The following STK3 variants were observed in gnomAD, a reference collection of about 807,000 sequenced individuals.
STK3 encodes the protein serine/threonine-protein kinase 3.
In STK3, 41 loss-of-function variants were observed where a neutral mutation model predicts 58.0. That is an observed-to-expected ratio of 0.71 (90% CI 0.55 to 0.92). The LOEUF (loss-of-function observed/expected upper bound fraction) is 0.92, where lower values mean the gene tolerates loss of function less well. Ranked by LOEUF, STK3 falls within the 40% of genes least tolerant of loss-of-function variation. STK3 has a pLI of 0.00. For synonymous variants in STK3, 170 were observed against 191.0 expected (o/e 0.89, Z 0.91); for missense variants, 479 against 602.7 (o/e 0.79, Z 2.15).
At chr8:98,656,760 T>C (rs1031676370) in intron 6 of STK3, among the ~76,000 whole-genome samples, 1 of 152,046 alleles carries the variant, frequency 6.6e-6, no homozygotes, top group Non-Finnish European at 1.5e-5. Context: ...TAGAAAGATT[T>C]ATTGTTTATA....
At chr8:98,386,072 C>A (rs994148026) in intron 1 of STK3, among the ~76,000 whole-genome samples, 10 of 152,144 alleles carry the variant, frequency 6.6e-5, no homozygotes, top group African/African-American at 2.4e-4. Context: ...ACAATATACT[C>A]TGTTAGGTAG....
intron 8 of STK3, among the ~76,000 whole-genome samples, chr8:98,566,201 T>C (rs977328091): frequency 1.3e-5 from 2 of 152,132 alleles, no homozygotes; most frequent in African/African-American, 4.8e-5. Context: ...ATAAAAAATA[T>C]TTTAAAAGAT....
chr8:98,612,823 T>C (rs887862172), intron 6 of STK3, among the ~76,000 whole-genome samples: 6 of 152,134 alleles, frequency 3.9e-5, no homozygotes, highest in Middle Eastern at 3.2e-3. Flanking sequence ...CATGAGACTA[T>C]AACAAGGTCC....
At chr8:98,560,188 T>C (rs548908002) in intron 8 of STK3, among the ~76,000 whole-genome samples, 10 of 152,178 alleles carry the variant, frequency 6.6e-5, no homozygotes, top group African/African-American at 2.4e-4. Flanking sequence ...ATAGTGAGGA[T>C]ACAGAAACAT....
chr8:98,813,174 G>C (rs1375438746), intron 1 of STK3, among the ~76,000 whole-genome samples: 2 of 152,114 alleles, frequency 1.3e-5, no homozygotes, highest in Non-Finnish European at 2.9e-5. Context: ...CAAAACTCAA[G>C]GAGAAGGTAG....
chr8:98,511,713 A>T (rs1014769772), intron 10 of STK3, among the ~76,000 whole-genome samples: 4 of 152,142 alleles, frequency 2.6e-5, no homozygotes, highest in African/African-American at 9.7e-5. Flanking sequence ...AACACAGAAC[A>T]CAGAACCTGA....
chr8:98,429,414 C>T, intron 3 of STK3: 1 of 1,594,778 alleles, frequency 6.3e-7, no homozygotes, highest in Non-Finnish European at 8.6e-7. Flanking sequence ...CCTACGTTAG[C>T]CGGGAGGACT....
chr8:98,404,009 C>T (rs1280970132), intron 3 of STK3, among the ~76,000 whole-genome samples: 1 of 152,228 alleles, frequency 6.6e-6, no homozygotes, highest in Non-Finnish European at 1.5e-5. Flanking sequence ...TCCTGGGTGG[C>T]AGGTCAAACC....
intron 4 of STK3, among the ~76,000 whole-genome samples, chr8:98,712,940 G>A (rs1314787353): frequency 4.6e-5 from 7 of 152,154 alleles, no homozygotes; most frequent in South Asian, 2.1e-4. Context: ...CTGTCTCTCA[G>A]ACTACAGTGC....
At chr8:98,597,602 C>T (rs1815939705) in intron 6 of STK3, 2 of 985,368 alleles carry the variant, frequency 2.0e-6, no homozygotes, top group Non-Finnish European at 2.4e-6. Flanking sequence ...TTCGTTCAGA[C>T]AAAATCAATC....
chr8:98,511,151 AAATT>A (rs1450772118), intron 10 of STK3, among the ~76,000 whole-genome samples: 22 of 152,034 alleles, frequency 1.4e-4, no homozygotes, highest in Non-Finnish European at 2.8e-4. Context: ...ATGTTCTGGA[AAATT>A]AATTAAAACA....
At chr8:98,740,559 C>T (rs1484852322) in intron 4 of STK3, among the ~76,000 whole-genome samples, 11 of 152,114 alleles carry the variant, frequency 7.2e-5, no homozygotes, top group Non-Finnish European at 1.6e-4. Flanking sequence ...GATTTTGTCA[C>T]CACCAGGCGT....
At chr8:98,832,599 A>G (rs1197676822) in intron 3 of STK3, among the ~76,000 whole-genome samples, 1 of 152,178 alleles carries the variant, frequency 6.6e-6, no homozygotes, top group African/African-American at 2.4e-5. Context: ...TCTAAAGGCA[A>G]TTAGCAAGGG....
chr8:98,693,439 G>A (rs1005342939), intron 6 of STK3, among the ~76,000 whole-genome samples: 2 of 152,128 alleles, frequency 1.3e-5, no homozygotes, highest in Non-Finnish European at 1.5e-5. Context: ...AGAGGAAAAT[G>A]CAATATGGAG....
chr8:98,530,267 T>A (rs1008565593), intron 9 of STK3, among the ~76,000 whole-genome samples: 10 of 152,190 alleles, frequency 6.6e-5, no homozygotes, highest in African/African-American at 2.4e-4. Flanking sequence ...ACCCACGTAT[T>A]AAGCCTAGTA....
chr8:98,387,545 T>TG (rs535769251), intron 1 of STK3, among the ~76,000 whole-genome samples: 253 of 152,324 alleles, frequency 1.7e-3, no homozygotes, highest in African/African-American at 5.8e-3. Context: ...GGTCGGGAGT[T>TG]GGAGACCAGC....
At chr8:98,448,805 G>A (rs1819067286) in intron 1 of STK3, among the ~76,000 whole-genome samples, 1 of 151,972 alleles carries the variant, frequency 6.6e-6, no homozygotes, top group East Asian at 1.9e-4. Flanking sequence ...TGTAATTTTT[G>A]GTTAAAATGT....
At chr8:98,657,810 C>T (rs149242947) in intron 6 of STK3, among the ~76,000 whole-genome samples, 1 of 151,942 alleles carries the variant, frequency 6.6e-6, no homozygotes, top group Non-Finnish European at 1.5e-5. Context: ...AACACAGACA[C>T]ATTCTCAATA....
intron 6 of STK3, among the ~76,000 whole-genome samples, chr8:98,609,366 A>T (rs1211874137): frequency 6.6e-6 from 1 of 152,216 alleles, no homozygotes; most frequent in Admixed American, 6.5e-5. Context: ...TATGGTTTGG[A>T]TGTCACTTTA....
Sources: allele counts gnomAD v4.1 joint callset (sites outside exome capture counted in the v4.1 genomes callset), GRCh38; gene constraint gnomAD v4.1.1; transcripts MANE v1.5; gene names NCBI Gene and HGNC (gene_info 2026-07-23, HGNC 2026-07-21).